The following KCNQ1 variants were observed in gnomAD, a reference collection of about 807,000 sequenced individuals.
KCNQ1 encodes potassium voltage-gated channel subfamily KQT member 1.
A neutral mutation model predicts 72.4 loss-of-function variants in KCNQ1; 49 were observed. The ratio of observed to expected loss-of-function variants is 0.68; its 90% confidence interval spans 0.54 to 0.86. KCNQ1 has a LOEUF of 0.86. Ranked by LOEUF, KCNQ1 falls within the 40% of genes least tolerant of loss-of-function variation. KCNQ1 has a pLI of 0.00. For synonymous variants in KCNQ1, 450 were observed against 412.6 expected (o/e 1.09, Z -1.10); for missense variants, 790 against 945.1 (o/e 0.84, Z 2.15).
intron 15 of KCNQ1, among the ~76,000 whole-genome samples, chr11:2,795,892 T>C (rs1847118917): frequency 6.6e-6 from 1 of 151,892 alleles, no homozygotes; most frequent in Non-Finnish European, 1.5e-5. Context: ...GAACAGGGGG[T>C]AAGTGTGGCC....
chr11:2,646,972 C>G (rs1045066256), intron 10 of KCNQ1: 3 of 398,356 alleles, frequency 7.5e-6, no homozygotes, highest in African/African-American at 6.2e-5. Flanking sequence ...ATTTGGATAC[C>G]CTTTTTCTTT....
chr11:2,843,352 T>C (rs186952432), intron 15 of KCNQ1, among the ~76,000 whole-genome samples: 58 of 152,336 alleles, frequency 3.8e-4, no homozygotes, highest in African/African-American at 1.4e-3. Context: ...GGTACCGCCC[T>C]GAGAGTGGCT....
At chr11:2,459,244 G>C (rs999179432) in intron 1 of KCNQ1, among the ~76,000 whole-genome samples, 1 of 152,226 alleles carries the variant, frequency 6.6e-6, no homozygotes, top group Non-Finnish European at 1.5e-5. Flanking sequence ...CGTGGCGCCC[G>C]GTGGTGTGAG....
At chr11:2,660,673 C>G (rs139632274) in intron 10 of KCNQ1, 200 of 398,626 alleles carry the variant, frequency 5.0e-4, no homozygotes, top group African/African-American at 3.8e-3. Context: ...TTCATCCATG[C>G]TTGATAGTCC....
chr11:2,455,527 C>T (rs1016835521), intron 1 of KCNQ1, among the ~76,000 whole-genome samples: 1 of 152,180 alleles, frequency 6.6e-6, no homozygotes, highest in Non-Finnish European at 1.5e-5. Context: ...TGAAAGATCT[C>T]TACACAAGAG....
chr11:2,642,475 C>T lies in KCNQ1; in HGVS notation c.1394-19486C>T, dbSNP rs911279520. The T allele has an allele frequency of 2.5e-6, 1 of 397,846 alleles. No individual in the cohort carries two copies. Among genetic ancestry groups the T allele is most frequent in the African/African-American group, 2.1e-5 (1 of 48,610 alleles). 24.6% of individuals were successfully genotyped at this position (397,846 alleles called of 1,614,324 possible). A position where few individuals can be genotyped will look rare whatever the true frequency, so the allele number is the denominator to read the frequency against. ...AACTGTAATCAATTTATTGATCAGA[C>T]TGAAGAGTTTTGATTTTTGTATTTC... On this transcript the variant is annotated intron_variant, in intron 10 of 15. Transcript: ENST00000155840. The surrounding 1 kb of genome is among the most constrained non-coding windows in gnomAD (Gnocchi z 4.3).
Position 2,670,055 on chromosome 11 carries a change from C to T in KCNQ1, c.1514+7974C>T. The stretch of plus-strand genomic sequence containing the variant: ...AGGCGGAAACCTAGCACTCACTATT[C>T]TGCTCTGGGGAGGGGGTTGGAGGCA... On this transcript the variant is annotated intron_variant, in intron 11 of 15. Transcript: ENST00000155840. The surrounding 1 kb of genome is among the most constrained non-coding windows in gnomAD (Gnocchi z 4.9). The T allele has an allele frequency of 2.5e-6, 1 of 398,654 alleles. No homozygotes were observed. Among genetic ancestry groups the T allele is most frequent in the East Asian group, 3.6e-5 (1 of 28,058 alleles). 24.7% of individuals were successfully genotyped at this position (398,654 alleles called of 1,614,324 possible).
rs1401178141 is a variant in KCNQ1 at position 2,658,706 on chromosome 11, C to A, written c.1394-3255C>A. 1.5e-5 allele frequency: 6 copies of A among 398,358 alleles called. No individual in the cohort carries two copies. The highest frequency in any genetic ancestry group is 1.3e-4 in the South Asian group (1 of 7,840). 24.7% of individuals were successfully genotyped at this position (398,358 alleles called of 1,614,324 possible). A position where few individuals can be genotyped will look rare whatever the true frequency, so the allele number is the denominator to read the frequency against. On this transcript the variant is annotated intron_variant, in intron 10 of 15. Coordinates refer to ENST00000155840, the MANE Select transcript of KCNQ1 (RefSeq NM_000218.3). The surrounding 1 kb of genome is among the most constrained non-coding windows in gnomAD (Gnocchi z 4.9). The stretch of plus-strand genomic sequence containing the variant: ...CTAGGAAATATATGTATGTATGTAA[C>A]CTGAGTACACATACATCTTTACATA...
chr11:2,471,982 CTA>C lies in KCNQ1; in HGVS notation c.386+26500_386+26501del, dbSNP rs1333968388. On this transcript the variant is annotated intron_variant, in intron 1 of 15. Transcript: ENST00000155840. The surrounding 1 kb of genome is among the most constrained non-coding windows in gnomAD (Gnocchi z 4.8). ...TTCATATATATGGGTGTGTGTGCAC[CTA>C]TGTGTATAAGTGTGTGTGCACATGT... Among the ~76,000 whole-genome samples, 4 of 145,218 alleles carry C rather than the reference CTA, an allele frequency of 2.8e-5. No individual in the cohort carries two copies. Among genetic ancestry groups the C allele is most frequent in the Non-Finnish European group, 6.0e-5 (4 of 66,434 alleles).
chr11:2,501,718 C>CAAAAAAAAAAAAAAAAAAAA (rs55865890), intron 1 of KCNQ1, among the ~76,000 whole-genome samples: 4 of 68,906 alleles, frequency 5.8e-5, no homozygotes, highest in Non-Finnish European at 8.7e-5. Flanking sequence ...AAAGATACAT[C>CAAAAAAAAAAAAAAAAAAAA]AAAAAAAAAA....
intron 10 of KCNQ1, chr11:2,632,652 T>TA: frequency 2.5e-6 from 1 of 398,410 alleles, no homozygotes. Context: ...TCAAATATCA[T>TA]TTCTCTGTTT....
In KCNQ1 at chr11:2,774,478, G is replaced by A. The variant is rs541328404; in HGVS notation, c.1591-1482G>A. On this transcript the variant is annotated intron_variant, in intron 12 of 15. Coordinates refer to ENST00000155840, the MANE Select transcript of KCNQ1 (RefSeq NM_000218.3). ...CAGGGCCCAGAGAGTGGCTAGTGTT[G>A]CCAGTGAGGGCCCTACCTGCTTGTG... Among the ~76,000 whole-genome samples, 10 of 152,326 alleles carry A rather than the reference G, an allele frequency of 6.6e-5. No individual in the cohort carries two copies. In the East Asian group the frequency reaches 1.9e-3, roughly 29 times the overall value.
At chr11:2,847,323 C>A (rs1179606958) in intron 15 of KCNQ1, among the ~76,000 whole-genome samples, 1 of 152,224 alleles carries the variant, frequency 6.6e-6, no homozygotes. Context: ...CCCAGCCTTT[C>A]TTGACCCTTA....
In KCNQ1 at chr11:2,703,337, TC is replaced by T. The variant is rs1303301772; in HGVS notation, c.1514+41260del. ...GGCACCTGGTGGCCACTCCCTGAGC[TC>T]CCCACGTGACAGAGGGCAGGTCCCA... is the stretch of plus-strand genomic sequence containing the variant. On this transcript the variant is annotated intron_variant, in intron 11 of 15. Coordinates refer to ENST00000155840, the MANE Select transcript of KCNQ1 (RefSeq NM_000218.3). This position sits in a 1 kb window ranked among gnomAD's most constrained non-coding sequence, Gnocchi z 6.4. 6.6e-6 allele frequency among the ~76,000 whole-genome samples: 1 copy of T among 152,126 alleles called. No homozygotes were observed. The highest frequency in any genetic ancestry group is 6.5e-5 in the Admixed American group (1 of 15,284).
In KCNQ1 at chr11:2,815,341, T is replaced by C. The variant is rs888016253; in HGVS notation, c.1795-32426T>C. ...CAGGGACCCCACTGGACCTCTGTGCTTTCTGGTGGGGGGCTTGTCAGGGAG... is the reference window on the plus strand; with the variant it reads ...CAGGGACCCCACTGGACCTCTGTGCCTTCTGGTGGGGGGCTTGTCAGGGAG... On this transcript the variant is annotated intron_variant, in intron 15 of 15. Transcript: ENST00000155840. The surrounding 1 kb of genome is among the most constrained non-coding windows in gnomAD (Gnocchi z 5.4). 1.1e-4 allele frequency among the ~76,000 whole-genome samples: 16 copies of C among 152,098 alleles called. No individual in the cohort carries two copies. The highest frequency in any genetic ancestry group is 2.1e-4 in the Non-Finnish European group (14 of 68,000).
Position 2,677,634 on chromosome 11 carries a change from T to TA in KCNQ1, c.1514+15555dup. ...TTTTTCTAAAACGTGTACATAATTG[T>TA]AACTCTAACAACTGTTATTGCATAT... On this transcript the variant is annotated intron_variant, in intron 11 of 15. Transcript: ENST00000155840. This position sits in a 1 kb window ranked among gnomAD's most constrained non-coding sequence, Gnocchi z 4.5. 2.5e-6 allele frequency: 1 copy of TA among 398,650 alleles called. No individual in the cohort carries two copies. The highest frequency in any genetic ancestry group is 4.4e-6 in the Non-Finnish European group (1 of 226,070). 24.7% of individuals were successfully genotyped at this position (398,650 alleles called of 1,614,324 possible).
rs1423568480 is a variant in KCNQ1 at position 2,543,143 on chromosome 11, G to A, written c.477+15125G>A. On this transcript the variant is annotated intron_variant, in intron 2 of 15. Coordinates refer to ENST00000155840, the MANE Select transcript of KCNQ1 (RefSeq NM_000218.3). The surrounding 1 kb of genome is among the most constrained non-coding windows in gnomAD (Gnocchi z 5.6). ...TCTTTGGTGACATATCTTTTTAAAT[G>A]TTTCACCCATTGTAAAATTGGGCTG... Among the ~76,000 whole-genome samples the A allele has an allele frequency of 1.3e-5, 2 of 152,146 alleles. No homozygotes were observed. Among genetic ancestry groups the A allele is most frequent in the Non-Finnish European group, 2.9e-5 (2 of 68,030 alleles).
In KCNQ1 at chr11:2,698,460, C is replaced by T; in HGVS notation, c.1514+36379C>T. 2.5e-6 allele frequency: 1 copy of T among 398,544 alleles called. No individual in the cohort carries two copies. Among genetic ancestry groups the T allele is most frequent in the South Asian group, 1.3e-4 (1 of 7,854 alleles). The allele number at this position is 398,544 out of a possible 1,614,324, so 24.7% of individuals were successfully genotyped here. On this transcript the variant is annotated intron_variant, in intron 11 of 15. Transcript: ENST00000155840. The surrounding 1 kb of genome is among the most constrained non-coding windows in gnomAD (Gnocchi z 5.1). Reference sequence around the variant, plus strand: ...CAGACTGAGACCTGCATCTGATCAACTCTCATCTCCAATATGACCAAGAGA... The same window carrying T: ...CAGACTGAGACCTGCATCTGATCAATTCTCATCTCCAATATGACCAAGAGA...
chr11:2,630,810 T>A (rs1849340136), intron 10 of KCNQ1: 3 of 398,346 alleles, frequency 7.5e-6, no homozygotes, highest in South Asian at 1.3e-4. Flanking sequence ...CCTGAGGAAG[T>A]CTTGTATCTG....
Sources: allele counts gnomAD v4.1 joint callset (sites outside exome capture counted in the v4.1 genomes callset), GRCh38; gene constraint gnomAD v4.1.1; non-coding constraint Gnocchi (gnomAD v3.1); transcripts MANE v1.5; gene names NCBI Gene and HGNC (gene_info 2026-07-23, HGNC 2026-07-21).